Variants in WWOX observed in about 807,000 individuals in gnomAD.
WWOX encodes the protein WW domain containing oxidoreductase, also known as WW domain-containing oxidoreductase.
In WWOX, 69 loss-of-function variants were observed where a neutral mutation model predicts 46.2. The ratio of observed to expected loss-of-function variants is 1.49; its 90% CI spans 1.23 to 1.82. The LOEUF (loss-of-function observed/expected upper bound fraction) is 1.82. Among genes scored for constraint, WWOX ranks in the 40% most tolerant of loss-of-function variants. WWOX has a pLI of 0.00. For missense variants in WWOX, 919 were observed against 542.6 expected (o/e 1.69, Z -6.89); for synonymous variants, 359 against 202.6 (o/e 1.77, Z -6.56).
At chr16:79,027,617 C>T (rs1030905992) in intron 8 of WWOX, among the ~76,000 whole-genome samples, 1 of 151,898 alleles carries the variant, frequency 6.6e-6, no homozygotes, top group South Asian at 2.1e-4. Flanking sequence ...AAAATCTCTT[C>T]CTTTCCTATC....
At chr16:79,096,576 A>G (rs1464072675) in intron 8 of WWOX, among the ~76,000 whole-genome samples, 2 of 152,188 alleles carry the variant, frequency 1.3e-5, no homozygotes, top group African/African-American at 4.8e-5. Context: ...TCTTTAAAAC[A>G]GCAATCTTCC....
At chr16:78,665,826 A>G (rs530698462) in intron 8 of WWOX, among the ~76,000 whole-genome samples, 39 of 152,262 alleles carry the variant, frequency 2.6e-4, no homozygotes, top group African/African-American at 9.1e-4. Flanking sequence ...CTGGGATTAC[A>G]GGCATGCACC....
intron 5 of WWOX, among the ~76,000 whole-genome samples, chr16:78,328,405 C>T (rs1193883789): frequency 2.0e-5 from 3 of 152,152 alleles, no homozygotes; most frequent in Non-Finnish European, 2.9e-5. Context: ...TCAACACATA[C>T]TTGGATTTTA....
At chr16:79,071,181 AAC>A (rs1367632674) in intron 8 of WWOX, among the ~76,000 whole-genome samples, 1 of 152,216 alleles carries the variant, frequency 6.6e-6, no homozygotes, top group Non-Finnish European at 1.5e-5. Context: ...TCTTCTGATG[AAC>A]ACAGTTAAGG....
At chr16:78,867,629 A>G (rs373309522) in intron 8 of WWOX, among the ~76,000 whole-genome samples, 4 of 151,794 alleles carry the variant, frequency 2.6e-5, no homozygotes, top group East Asian at 3.9e-4. Flanking sequence ...CAACTACAAC[A>G]TCCCAGGTTC....
At chr16:78,550,572 T>G (rs1297362170) in intron 8 of WWOX, among the ~76,000 whole-genome samples, 2 of 152,236 alleles carry the variant, frequency 1.3e-5, no homozygotes, top group African/African-American at 2.4e-5. Flanking sequence ...ACATGATATT[T>G]TCTACTATGG....
chr16:78,713,357 A>G (rs1448302577), intron 8 of WWOX, among the ~76,000 whole-genome samples: 3 of 151,452 alleles, frequency 2.0e-5, no homozygotes, highest in Non-Finnish European at 1.5e-5. Context: ...TGGAGTAGAC[A>G]ACTAGTTCAT....
At chr16:79,162,619 C>T (rs1255585998) in intron 8 of WWOX, among the ~76,000 whole-genome samples, 1 of 152,194 alleles carries the variant, frequency 6.6e-6, no homozygotes, top group Non-Finnish European at 1.5e-5. Flanking sequence ...TTGGGAGATG[C>T]AAACAGTTTG....
intron 8 of WWOX, among the ~76,000 whole-genome samples, chr16:79,208,242 T>A (rs421405): frequency 0.6 from 91,402 of 152,022 alleles, 29,344 homozygotes; most frequent in Non-Finnish European, 0.73. Flanking sequence ...AAAAGATTCT[T>A]CTGGGCTTCC....
chr16:78,774,758 G>A (rs558396452), intron 8 of WWOX, among the ~76,000 whole-genome samples: 65 of 152,224 alleles, frequency 4.3e-4, no homozygotes, highest in Admixed American at 1.3e-3. Flanking sequence ...ACATATGATA[G>A]CATAAGGCAA....
chr16:79,165,655 G>A (rs1054934647), intron 8 of WWOX, among the ~76,000 whole-genome samples: 1 of 152,126 alleles, frequency 6.6e-6, no homozygotes, highest in African/African-American at 2.4e-5. Context: ...GCCTACAGCT[G>A]GTTTTACGCA....
Position 78,347,720 on chromosome 16 carries a change from A to G in WWOX, c.517-39140A>G, listed in dbSNP as rs1597073844. ...TTAAAGGTCAAGAAAAATAATTCAT[A>G]TCACTCACTATTCATGAGACTGCTA... On this transcript the variant is annotated intron_variant, in intron 5 of 8. Coordinates refer to ENST00000566780, the MANE Select transcript of WWOX (RefSeq NM_016373.4). Among the ~76,000 whole-genome samples, 6 of 122,790 alleles carry G rather than the reference A, an allele frequency of 4.9e-5. 2 individuals are homozygous for G. In the South Asian group the frequency reaches 1.4e-3, roughly 30 times the overall value. The allele number at this position is 122,790 out of a possible 152,430, so 80.6% of individuals were successfully genotyped here. A position where few individuals can be genotyped will look rare whatever the true frequency, so the allele number is the denominator to read the frequency against.
chr16:78,128,969 C>T, intron 4 of WWOX, among the ~76,000 whole-genome samples: 1 of 152,114 alleles, frequency 6.6e-6, no homozygotes. Flanking sequence ...ATTCTAAGTT[C>T]ACGTACAGTT....
chr16:78,355,020 T>C (rs1272545250), intron 5 of WWOX, among the ~76,000 whole-genome samples: 1 of 152,022 alleles, frequency 6.6e-6, no homozygotes, highest in East Asian at 1.9e-4. Context: ...TAGTCACAGC[T>C]ACTTGGGAGG....
chr16:78,938,505 G>A (rs2045788271), intron 8 of WWOX, among the ~76,000 whole-genome samples: 1 of 149,666 alleles, frequency 6.7e-6, no homozygotes, highest in African/African-American at 2.5e-5. Flanking sequence ...TGTCTCGGTG[G>A]GCCTGTTTGA....
intron 7 of WWOX, among the ~76,000 whole-genome samples, chr16:78,430,111 C>A (rs763817766): frequency 2.2e-4 from 33 of 152,156 alleles, no homozygotes; most frequent in African/African-American, 7.5e-4. Flanking sequence ...ACAATCATGG[C>A]GGAAGATGAA....
At chr16:79,209,684 T>C (rs2051649314) in intron 8 of WWOX, among the ~76,000 whole-genome samples, 1 of 152,168 alleles carries the variant, frequency 6.6e-6, no homozygotes, top group African/African-American at 2.4e-5. Flanking sequence ...AACTCTAAGA[T>C]TCCAGGCCAA....
At chr16:78,843,051 A>C (rs1238786076) in intron 8 of WWOX, among the ~76,000 whole-genome samples, 3 of 150,046 alleles carry the variant, frequency 2.0e-5, no homozygotes, top group Non-Finnish European at 3.0e-5. Flanking sequence ...CAAACATTGC[A>C]CTAATGTTTG....
At chr16:78,756,818 A>G (rs1333035970) in intron 8 of WWOX, 3 of 580,594 alleles carry the variant, frequency 5.2e-6, no homozygotes, top group South Asian at 4.5e-5. Flanking sequence ...CTTCTCGGAC[A>G]CCTAATACTA....
Sources: allele counts gnomAD v4.1 joint callset (sites outside exome capture counted in the v4.1 genomes callset), GRCh38; gene constraint gnomAD v4.1.1; transcripts MANE v1.5; gene names NCBI Gene and HGNC (gene_info 2026-07-23, HGNC 2026-07-21).